Variants in C16orf74 observed in about 807,000 individuals in gnomAD.
C16orf74 encodes uncharacterized protein C16orf74.
In C16orf74, 10 loss-of-function variants were observed where a neutral mutation model predicts 6.5. That is an observed-to-expected ratio of 1.54 (90% CI 0.95 to 2.61). The LOEUF (loss-of-function observed/expected upper bound fraction) is 2.61, where lower values mean the gene tolerates loss of function less well. C16orf74 is among the 30% of genes most tolerant of loss of function. The pLI is 0.00. For synonymous variants in C16orf74, 60 were observed against 42.5 expected, an observed-to-expected ratio of 1.41 and a Z score of -1.60; for missense variants, 141 against 105.9, an observed-to-expected ratio of 1.33 and a Z score of -1.45.
intron 2 of C16orf74, among the ~76,000 whole-genome samples, chr16:85,719,670 G>T (rs1243966355): frequency 6.6e-6 from 1 of 152,158 alleles, no homozygotes; most frequent in Non-Finnish European, 1.5e-5. Flanking sequence ...CCAAGAAGCA[G>T]GGTTTAGGGG....
At chr16:85,735,143 A>G (rs1268379513) in intron 2 of C16orf74, 47 bp downstream of exon 2, 1 of 1,565,230 alleles carries the variant, frequency 6.4e-7, no homozygotes, top group Non-Finnish European at 8.7e-7. Context: ...CCAACCCAGC[A>G]CCCCCTCTGC....
At position 85,710,270 on chromosome 16, in the gene C16orf74, G is replaced by C. The variant is rs750689222; in HGVS notation, c.66C>G (p.His22Gln). The change falls in exon 3 of 4, where the codon CAC (histidine) becomes CAG (glutamine). Residue 22 changes from histidine (H) to glutamine (Q), a missense_variant. Coordinates refer to ENST00000284245, the MANE Select transcript of C16orf74 (RefSeq NM_206967.3). Reference sequence around the variant, plus strand: ...TGTCGTTCAGGACGGGGGCCTCGTCGTGGCTGCTGCTGCTGCTGCTGACAC... The same window carrying C: ...TGTCGTTCAGGACGGGGGCCTCGTCCTGGCTGCTGCTGCTGCTGCTGACAC... ...QMCVSSSSSSHDEAPVLNDKH... is the reference protein window; with the variant it reads ...QMCVSSSSSSQDEAPVLNDKH... 2 of 1,516,280 alleles carry C rather than the reference G, an allele frequency of 1.3e-6. No homozygotes were observed. The highest frequency in any genetic ancestry group is 2.4e-5 in the Admixed American group (1 of 41,762). The allele number at this position is 1,516,280 out of a possible 1,614,324, so 93.9% of individuals were successfully genotyped here.
chr16:85,745,139 T>TAAAAAAAAAAAAAAAAA lies in C16orf74; in HGVS notation c.-19+5770_-19+5786dup, dbSNP rs10554549. Among the ~76,000 whole-genome samples the TAAAAAAAAAAAAAAAAA allele has an allele frequency of 1.6e-3, 80 of 51,010 alleles. 1 individual carries two copies. Among genetic ancestry groups the TAAAAAAAAAAAAAAAAA allele is most frequent in the African/African-American group, 7.2e-3 (80 of 11,150 alleles). 33.5% of individuals were successfully genotyped at this position (51,010 alleles called of 152,430 possible). A position where few individuals can be genotyped will look rare whatever the true frequency, so the allele number is the denominator to read the frequency against. On this transcript the variant is annotated intron_variant, in intron 1 of 3. Coordinates refer to ENST00000284245, the MANE Select transcript of C16orf74 (RefSeq NM_206967.3). ...CTGGGCAACAAGACGAAACTCTGTC[T>TAAAAAAAAAAAAAAAAA]AAAAAAAAAAAAAAAAAAAAAAAAA...
intron 2 of C16orf74, among the ~76,000 whole-genome samples, chr16:85,721,298 G>A (rs567507014): frequency 4.6e-5 from 7 of 151,262 alleles, no homozygotes; most frequent in Non-Finnish European, 8.9e-5. Context: ...TAGCCTTGGC[G>A]CTGCTAACAC....
At chr16:85,728,801 G>C (rs971188090) in intron 2 of C16orf74, among the ~76,000 whole-genome samples, 3 of 152,216 alleles carry the variant, frequency 2.0e-5, no homozygotes, top group African/African-American at 7.2e-5. Context: ...GGCACGGGAA[G>C]TGACTTGCAC....
In C16orf74 at chr16:85,737,662, G is replaced by A. The variant is rs548014191; in HGVS notation, c.-18-2427C>T. Among the ~76,000 whole-genome samples, 7 of 152,176 alleles carry A rather than the reference G, an allele frequency of 4.6e-5. No individual in the cohort carries two copies. In the South Asian group the frequency reaches 6.2e-4, roughly 14 times the overall value. On this transcript the variant is annotated intron_variant, in intron 1 of 3. Coordinates refer to ENST00000284245, the MANE Select transcript of C16orf74 (RefSeq NM_206967.3). ...CTGGCCAACATGGTGAAACCCCATC[G>A]CTACTAAAAATACAAAAAATTAGCT...
At chr16:85,736,913 G>C (rs934758641) in intron 1 of C16orf74, among the ~76,000 whole-genome samples, 1 of 152,122 alleles carries the variant, frequency 6.6e-6, no homozygotes, top group Non-Finnish European at 1.5e-5. Flanking sequence ...GCATGGTGGT[G>C]GGTGCTTGTA....
chr16:85,723,846 G>C (rs1043320730), intron 2 of C16orf74, among the ~76,000 whole-genome samples: 10 of 152,202 alleles, frequency 6.6e-5, no homozygotes, highest in Non-Finnish European at 1.2e-4. Flanking sequence ...CACAAGAGCA[G>C]GCTGCCCCTG....
At chr16:85,742,820 C>T (rs1048706412) in intron 1 of C16orf74, among the ~76,000 whole-genome samples, 8 of 152,202 alleles carry the variant, frequency 5.3e-5, no homozygotes, top group Non-Finnish European at 1.2e-4. Context: ...GGATTACAGG[C>T]GTGAGCCACG....
chr16:85,708,144 G>C (rs905102506), intron 3 of C16orf74, 78 bp from the exon 4 acceptor site: 2 of 1,243,446 alleles, frequency 1.6e-6, no homozygotes, highest in Non-Finnish European at 2.3e-6. Flanking sequence ...GGAACTGCAG[G>C]GCTGGGGCCT....
At chr16:85,727,217 C>G (rs185129624) in intron 2 of C16orf74, among the ~76,000 whole-genome samples, 1 of 152,292 alleles carries the variant, frequency 6.6e-6, no homozygotes, top group Non-Finnish European at 1.5e-5. Context: ...CACACTGTCA[C>G]GGGGCCATAT....
intron 1 of C16orf74, among the ~76,000 whole-genome samples, chr16:85,736,350 G>T (rs181402975): frequency 6.6e-5 from 10 of 152,244 alleles, no homozygotes; most frequent in South Asian, 6.2e-4. Flanking sequence ...CGGAGGCTGG[G>T]GAGCAAGGCA....
intron 2 of C16orf74, among the ~76,000 whole-genome samples, chr16:85,715,055 G>C (rs1288036369): frequency 1.3e-5 from 2 of 151,736 alleles, no homozygotes; most frequent in African/African-American, 2.4e-5. Flanking sequence ...TACTCGGGAG[G>C]CTGAGGCAGG....
At chr16:85,744,949 C>A (rs919349766) in intron 1 of C16orf74, among the ~76,000 whole-genome samples, 40 of 151,556 alleles carry the variant, frequency 2.6e-4, no homozygotes, top group Non-Finnish European at 7.4e-5. Flanking sequence ...CAAGACCAGC[C>A]TGACCAACAT....
At chr16:85,748,696 G>T (rs973440192) in intron 1 of C16orf74, among the ~76,000 whole-genome samples, 20 of 152,308 alleles carry the variant, frequency 1.3e-4, no homozygotes, top group South Asian at 1.2e-3. Flanking sequence ...GCTTGAGAGA[G>T]AACAGATTGT....
At position 85,710,280 on chromosome 16, in the gene C16orf74, C is replaced by T. The variant is rs1429218822; in HGVS notation, c.56G>A (p.Ser19Asn). The T allele has an allele frequency of 6.6e-7, 1 of 1,507,974 alleles. No individual in the cohort carries two copies. Among genetic ancestry groups the T allele is most frequent in the South Asian group, 1.3e-5 (1 of 76,544 alleles). 93.4% of individuals were successfully genotyped at this position (1,507,974 alleles called of 1,614,324 possible). Residue 19 changes from serine to asparagine, a missense_variant, in exon 3 of 4, where the codon AGC becomes AAC. Coordinates refer to ENST00000284245, the MANE Select transcript of C16orf74 (RefSeq NM_206967.3). ...GACGGGGGCCTCGTCGTGGCTGCTG[C>T]TGCTGCTGCTGACACACATTTGAAA... is the stretch of plus-strand genomic sequence containing the variant. ...KGFQMCVSSS[S>N]SSHDEAPVLN...
chr16:85,719,089 G>A (rs943221749), intron 2 of C16orf74, among the ~76,000 whole-genome samples: 1 of 152,202 alleles, frequency 6.6e-6, no homozygotes, highest in Non-Finnish European at 1.5e-5. Context: ...CTGCCTCTCG[G>A]CCTGGGCTTT....
intron 2 of C16orf74, among the ~76,000 whole-genome samples, chr16:85,722,833 C>G (rs894226405): frequency 4.6e-5 from 7 of 152,238 alleles, no homozygotes; most frequent in Non-Finnish European, 1.0e-4. Context: ...CTATGAACGC[C>G]TATGTGCACC....
chr16:85,725,159 C>T (rs989959103), intron 2 of C16orf74, among the ~76,000 whole-genome samples: 5 of 152,200 alleles, frequency 3.3e-5, no homozygotes, highest in Non-Finnish European at 5.9e-5. Context: ...GCCATCTGCT[C>T]CCTCGTTTAA....
Sources: gnomAD v4.1 joint callset for allele counts (sites outside exome capture counted in the v4.1 genomes callset) on GRCh38, gnomAD v4.1.1 for gene constraint, MANE v1.5 for transcripts, NCBI Gene and HGNC (gene_info 2026-07-23, HGNC 2026-07-21) for gene names.